The following CIMIP2C variants were observed in gnomAD, a reference collection of about 807,000 sequenced individuals.
The protein encoded by CIMIP2C is UPF0573 protein C2orf70.
the CIMIP2C span, among the ~76,000 whole-genome samples, chr2:26,569,708 G>T: frequency 1.5e-4 from 23 of 152,110 alleles, no homozygotes; most frequent in African/African-American, 5.6e-4. Flanking sequence ...ATTGCCCAGG[G>T]GTCCGGCTTG....
chr2:26,565,278 G>A, the CIMIP2C span, among the ~76,000 whole-genome samples: 2 of 152,090 alleles, frequency 1.3e-5, no homozygotes, highest in Non-Finnish European at 2.9e-5. Context: ...TTTAGTACAG[G>A]CGGGGTTTTG....
chr2:26,575,570 T>C, the CIMIP2C span, among the ~76,000 whole-genome samples: 2 of 152,168 alleles, frequency 1.3e-5, no homozygotes, highest in African/African-American at 2.4e-5. Context: ...CCAGAGCCCC[T>C]TGGACTTGGC....
the CIMIP2C span, chr2:26,579,342 C>T: frequency 1.1e-5 from 18 of 1,613,992 alleles, no homozygotes; most frequent in African/African-American, 9.3e-5. Flanking sequence ...GACTAGCCCC[C>T]GAGAACCTGA....
the CIMIP2C span, chr2:26,577,814 G>A: frequency 1.9e-6 from 1 of 536,346 alleles, no homozygotes; most frequent in Middle Eastern, 4.8e-4. Context: ...CAGGGGGGAT[G>A]GTGGTAGCCT....
chr2:26,572,591 G>T, the CIMIP2C span, among the ~76,000 whole-genome samples: 1 of 152,178 alleles, frequency 6.6e-6, no homozygotes, highest in Non-Finnish European at 1.5e-5. Context: ...TTTTGCTGGG[G>T]TTGGCAGCAC....
the CIMIP2C span, chr2:26,575,982 A>G: frequency 1.2e-6 from 2 of 1,614,006 alleles, no homozygotes; most frequent in Non-Finnish European, 1.7e-6. Flanking sequence ...TTCCAGGACC[A>G]CCGCAACAGA....
the CIMIP2C span, among the ~76,000 whole-genome samples, chr2:26,569,157 T>C: frequency 6.6e-6 from 1 of 151,860 alleles, no homozygotes; most frequent in East Asian, 1.9e-4. Flanking sequence ...AAAGAGGGCA[T>C]TCAAGATGGG....
At chr2:26,563,743 A>G in the CIMIP2C span, among the ~76,000 whole-genome samples, 1 of 152,214 alleles carries the variant, frequency 6.6e-6, no homozygotes, top group African/African-American at 2.4e-5. Flanking sequence ...TGTATTTGGT[A>G]TGAAGTTGAG....
the CIMIP2C span, chr2:26,572,128 G>T: frequency 6.5e-7 from 1 of 1,545,146 alleles, no homozygotes; most frequent in South Asian, 1.2e-5. Flanking sequence ...GCCATGGGTT[G>T]ACTCTGATTT....
chr2:26,572,034 G>T, the CIMIP2C span: 1 of 1,413,964 alleles, frequency 7.1e-7, no homozygotes, highest in South Asian at 1.4e-5. Context: ...TCCCACTATA[G>T]GAGAGAGAGA....
chr2:26,573,917 C>T, the CIMIP2C span, among the ~76,000 whole-genome samples: 77 of 152,360 alleles, frequency 5.1e-4, 1 homozygote, highest in South Asian at 0.014. Context: ...GGAGCCAGGG[C>T]AGGACTCACT....
At chr2:26,566,866 T>C in the CIMIP2C span, among the ~76,000 whole-genome samples, 1 of 152,150 alleles carries the variant, frequency 6.6e-6, no homozygotes, top group Non-Finnish European at 1.5e-5. Flanking sequence ...ACCACAGGTG[T>C]GCACCACCAT....
At chr2:26,564,740 C>T in the CIMIP2C span, among the ~76,000 whole-genome samples, 2 of 152,212 alleles carry the variant, frequency 1.3e-5, no homozygotes, top group Non-Finnish European at 2.9e-5. Context: ...AAAGCACAGC[C>T]AGTCTCTTCT....
chr2:26,563,600 C>T, the CIMIP2C span, among the ~76,000 whole-genome samples: 5 of 151,968 alleles, frequency 3.3e-5, no homozygotes, highest in African/African-American at 1.2e-4. Context: ...CCTAAGAACC[C>T]TTGTCTGAAA....
At chr2:26,565,959 G>A in the CIMIP2C span, among the ~76,000 whole-genome samples, 1 of 152,252 alleles carries the variant, frequency 6.6e-6, no homozygotes, top group Admixed American at 6.5e-5. Context: ...TGGCCTGGGT[G>A]CTATTCCTGC....
At chr2:26,569,985 G>A in the CIMIP2C span, among the ~76,000 whole-genome samples, 1 of 152,146 alleles carries the variant, frequency 6.6e-6, no homozygotes, top group Non-Finnish European at 1.5e-5. Context: ...GCATATAAGG[G>A]ACACAGACCT....
the CIMIP2C span, among the ~76,000 whole-genome samples, chr2:26,574,651 A>G: frequency 6.6e-6 from 1 of 152,216 alleles, no homozygotes; most frequent in African/African-American, 2.4e-5. Flanking sequence ...ATCACCCAAG[A>G]CAGACCCCGG....
the CIMIP2C span, among the ~76,000 whole-genome samples, chr2:26,563,988 A>T: frequency 2.0e-4 from 30 of 152,332 alleles, no homozygotes; most frequent in African/African-American, 2.2e-4. Flanking sequence ...CAGGTGACTT[A>T]GGATTTGCCC....
the CIMIP2C span, chr2:26,562,824 G>A: frequency 1.3e-6 from 1 of 756,370 alleles, no homozygotes; most frequent in Non-Finnish European, 2.3e-6. Flanking sequence ...GGGGCGAGGG[G>A]CCTTCCTAGA....
Sources: allele counts gnomAD v4.1 joint callset (sites outside exome capture counted in the v4.1 genomes callset), GRCh38; gene constraint gnomAD v4.1.1; transcripts MANE v1.5; gene names NCBI Gene and HGNC (gene_info 2026-07-23, HGNC 2026-07-21).